FARS2: variants seen among roughly 807,000 people sequenced by gnomAD.
FARS2 encodes phenylalanyl-tRNA synthetase 2, mitochondrial.
In FARS2, 40 loss-of-function variants were observed where a neutral mutation model predicts 46.4. The ratio of observed to expected loss-of-function variants is 0.86; its 90% confidence interval spans 0.67 to 1.12. FARS2 has a LOEUF of 1.12. Among genes scored for constraint, FARS2 ranks in the 50% most tolerant of loss-of-function variants. The probability of loss-of-function intolerance (pLI) is 0.00; values close to 1 mark genes in which losing one functional copy is unlikely to be tolerated. For missense variants in FARS2, 513 were observed against 567.9 expected, an observed-to-expected ratio of 0.90 and a Z score of 0.98; for synonymous variants, 234 against 214.9, an observed-to-expected ratio of 1.09 and a Z score of -0.78.
At chr6:5,444,237 T>G (rs554425) in intron 4 of FARS2, among the ~76,000 whole-genome samples, 122,419 of 151,518 alleles carry the variant, frequency 0.81, 49,693 homozygotes, top group East Asian at 0.96. Context: ...GGGAGGCCAA[T>G]GTGGGCGGAT....
intron 1 of FARS2, among the ~76,000 whole-genome samples, chr6:5,292,335 G>C (rs1767562576): frequency 6.6e-6 from 1 of 152,248 alleles, no homozygotes; most frequent in Admixed American, 6.5e-5. Context: ...CTGGAGAGCA[G>C]GCCAGAGGCA....
intron 1 of FARS2, among the ~76,000 whole-genome samples, chr6:5,321,245 C>T (rs1457755936): frequency 6.6e-6 from 1 of 152,160 alleles, no homozygotes; most frequent in African/African-American, 2.4e-5. Flanking sequence ...AAGTATTTGA[C>T]TTGTGTTTTT....
intron 6 of FARS2, among the ~76,000 whole-genome samples, chr6:5,663,321 A>G (rs1777935227): frequency 6.6e-6 from 1 of 152,220 alleles, no homozygotes; most frequent in Non-Finnish European, 1.5e-5. Context: ...AGCTGTTTTA[A>G]ACATTTAGCA....
intron 6 of FARS2, among the ~76,000 whole-genome samples, chr6:5,747,897 T>C (rs1242102139): frequency 6.6e-6 from 1 of 152,230 alleles, no homozygotes; most frequent in African/African-American, 2.4e-5. Context: ...AATTCAGAGA[T>C]CAACTGATCT....
chr6:5,513,965 T>C (rs1768618660), intron 4 of FARS2, among the ~76,000 whole-genome samples: 1 of 151,954 alleles, frequency 6.6e-6, no homozygotes, highest in Non-Finnish European at 1.5e-5. Context: ...CCAAATGCAC[T>C]GTTGTATCTC....
chr6:5,489,074 CA>C (rs1274525651), intron 4 of FARS2, among the ~76,000 whole-genome samples: 1 of 151,992 alleles, frequency 6.6e-6, no homozygotes, highest in East Asian at 1.9e-4. Context: ...GTCATCAGGT[CA>C]TAAATGATAG....
chr6:5,725,261 T>C (rs1760176505), intron 6 of FARS2, among the ~76,000 whole-genome samples: 2 of 152,142 alleles, frequency 1.3e-5, no homozygotes, highest in African/African-American at 4.8e-5. Flanking sequence ...CTGGGGTGTA[T>C]GGAGGAAGGT....
chr6:5,294,519 T>C, intron 1 of FARS2, among the ~76,000 whole-genome samples: 1 of 152,130 alleles, frequency 6.6e-6, no homozygotes, highest in Non-Finnish European at 1.5e-5. Context: ...AGAGATAGTG[T>C]CAGATCCCAC....
At chr6:5,302,495 C>T (rs1311654952) in intron 1 of FARS2, among the ~76,000 whole-genome samples, 1 of 152,104 alleles carries the variant, frequency 6.6e-6, no homozygotes, top group Non-Finnish European at 1.5e-5. Flanking sequence ...AAAAATGTGC[C>T]TGGTTATTAT....
chr6:5,669,203 C>T (rs1055827578), intron 6 of FARS2, among the ~76,000 whole-genome samples: 3 of 152,152 alleles, frequency 2.0e-5, no homozygotes, highest in Non-Finnish European at 2.9e-5. Context: ...TTCCTTGACA[C>T]GGAGCAGACG....
intron 5 of FARS2, among the ~76,000 whole-genome samples, chr6:5,592,209 A>T (rs1439095442): frequency 6.6e-6 from 1 of 151,814 alleles, no homozygotes; most frequent in Non-Finnish European, 1.5e-5. Context: ...ACATGGGAAA[A>T]CTCCATCTCT....
At chr6:5,586,022 T>G (rs550343614) in intron 5 of FARS2, among the ~76,000 whole-genome samples, 54 of 152,308 alleles carry the variant, frequency 3.5e-4, no homozygotes, top group African/African-American at 1.3e-3. Context: ...TTTTTTCAGG[T>G]AGTTTATTAT....
At chr6:5,405,943 G>A (rs1562016956) in intron 3 of FARS2, among the ~76,000 whole-genome samples, 1 of 152,152 alleles carries the variant, frequency 6.6e-6, no homozygotes, top group Non-Finnish European at 1.5e-5. Context: ...AGGAACAATA[G>A]TGTTGCAATC....
chr6:5,260,850 T>G, upstream of FARS2: 1 of 1,496,848 alleles, frequency 6.7e-7, no homozygotes, highest in Non-Finnish European at 8.9e-7. Context: ...GCGGCTCGGC[T>G]TTGCCAGCGG....
rs576147922 is a variant in FARS2, at chr6:5,680,658, C to T, written c.1217+67338C>T. ...AGTCCTACCACCTAATCCATAACCCCTGGTCAACATTTTGGTATATTTCCT... is the reference window on the plus strand; with the variant it reads ...AGTCCTACCACCTAATCCATAACCCTTGGTCAACATTTTGGTATATTTCCT... On this transcript the variant is annotated intron_variant, in intron 6 of 6. Transcript: ENST00000274680. 1.3e-4 allele frequency among the ~76,000 whole-genome samples: 20 copies of T among 152,110 alleles called. 1 individual carries two copies. Among genetic ancestry groups the T allele is most frequent in the Non-Finnish European group, 2.2e-4 (15 of 68,042 alleles).
chr6:5,570,253 C>T (rs1395241872), intron 5 of FARS2, among the ~76,000 whole-genome samples: 1 of 152,154 alleles, frequency 6.6e-6, no homozygotes, highest in Non-Finnish European at 1.5e-5. Flanking sequence ...ATAGTTGGAA[C>T]ATCTTCCTAA....
At chr6:5,450,517 G>A (rs1306909056) in intron 4 of FARS2, among the ~76,000 whole-genome samples, 2 of 151,780 alleles carry the variant, frequency 1.3e-5, no homozygotes, top group African/African-American at 2.4e-5. Context: ...AAGTGTGGCC[G>A]GGTTCCAATA....
At chr6:5,638,688 G>A (rs1466815165) in intron 6 of FARS2, among the ~76,000 whole-genome samples, 3 of 152,234 alleles carry the variant, frequency 2.0e-5, no homozygotes, top group Non-Finnish European at 2.9e-5. Flanking sequence ...CCATCCCCCC[G>A]GCTGTGGCTC....
chr6:5,540,389 A>C (rs547851020), intron 4 of FARS2, among the ~76,000 whole-genome samples: 1 of 152,328 alleles, frequency 6.6e-6, no homozygotes, highest in Non-Finnish European at 1.5e-5. Context: ...AGTGTCTAGC[A>C]AGCAATGAAT....
Sources: allele counts gnomAD v4.1 joint callset (sites outside exome capture counted in the v4.1 genomes callset), GRCh38; gene constraint gnomAD v4.1.1; transcripts MANE v1.5; gene names NCBI Gene and HGNC (gene_info 2026-07-23, HGNC 2026-07-21).